Variants in SUGP1 observed in about 807,000 individuals in gnomAD.
The protein encoded by SUGP1 is SURP and G-patch domain-containing protein 1.
In SUGP1, 34 loss-of-function variants were observed where a neutral mutation model predicts 76.5. The ratio of observed to expected loss-of-function variants is 0.44; its 90% confidence interval spans 0.34 to 0.59. The LOEUF is 0.59. SUGP1 is among the 20% of genes least tolerant of loss of function. SUGP1 has a pLI of 0.01. For synonymous variants in SUGP1, 326 were observed against 326.2 expected (o/e 1.00, Z 0.01); for missense variants, 752 against 851.7 (o/e 0.88, Z 1.46).
At chr19:19,278,973 GT>G (rs1212727838) in intron 10 of SUGP1, among the ~76,000 whole-genome samples, 177 bp from the exon 11 acceptor site, 1 of 152,150 alleles carries the variant, frequency 6.6e-6, no homozygotes, top group Non-Finnish European at 1.5e-5. Context: ...CCAGCATTTA[GT>G]GAACCCTGTG....
chr19:19,316,668 G>A, intron 1 of SUGP1, 75 bp from the exon 2 acceptor site: 5 of 1,506,270 alleles, frequency 3.3e-6, no homozygotes, highest in Non-Finnish European at 4.6e-6. Context: ...ACAGGCCAGA[G>A]AGCAACTGAT....
At chr19:19,313,773 C>T (rs1451404589) in intron 2 of SUGP1, among the ~76,000 whole-genome samples, 1 of 151,912 alleles carries the variant, frequency 6.6e-6, no homozygotes, top group Non-Finnish European at 1.5e-5. Context: ...GAGGCAGAGG[C>T]GGGTAGGTCA....
At chr19:19,320,416 G>C (rs35574663) in intron 1 of SUGP1, 47 bp downstream of exon 1, 2 of 1,601,436 alleles carry the variant, frequency 1.2e-6, no homozygotes, top group Non-Finnish European at 1.7e-6. Flanking sequence ...GAGACACCTA[G>C]CCCCAGGGAC....
intron 8 of SUGP1, among the ~76,000 whole-genome samples, chr19:19,282,887 C>A (rs2061109918): frequency 2.0e-5 from 3 of 152,118 alleles, no homozygotes; most frequent in Admixed American, 6.6e-5. Context: ...ACCATCCTGG[C>A]TAACACGGTG....
intron 2 of SUGP1, among the ~76,000 whole-genome samples, 197 bp from the exon 3 acceptor site, chr19:19,310,397 A>C (rs1007357835): frequency 1.3e-5 from 2 of 152,240 alleles, no homozygotes; most frequent in Non-Finnish European, 2.9e-5. Flanking sequence ...AGCAGGCTTC[A>C]GTACGGTAAG....
rs1062885 is a variant in SUGP1 at position 19,276,986 on chromosome 19, C to T, written c.1872G>A (p.Lys624=). ...GGAAGCGGTAGGCCAGCATCATCCT[C>T]TTGCGGAACGCCTCATACTCGTCGT... The part of the protein sequence containing the change: ...KEDDEYEAFR[K]RMMLAYRFRP... Residue 624 remains lysine (K), a synonymous_variant, in exon 13 of 14, where the codon AAG becomes AAA. Transcript: ENST00000247001. 1.2e-6 allele frequency: 2 copies of T among 1,613,190 alleles called. No homozygotes were observed. The highest frequency in any genetic ancestry group is 2.2e-5 in the South Asian group (2 of 91,090).
intron 8 of SUGP1, among the ~76,000 whole-genome samples, chr19:19,285,885 G>A (rs1568620806): frequency 6.6e-6 from 1 of 152,162 alleles, no homozygotes; most frequent in Non-Finnish European, 1.5e-5. Flanking sequence ...ACTTAAGGCA[G>A]GATAACGCTA....
At chr19:19,294,668 A>C (rs2061211456) in intron 8 of SUGP1, among the ~76,000 whole-genome samples, 1 of 152,164 alleles carries the variant, frequency 6.6e-6, no homozygotes, top group Non-Finnish European at 1.5e-5. Flanking sequence ...AGAAGAAAAA[A>C]TAGATACATT....
chr19:19,279,716 C>T (rs770157325), intron 9 of SUGP1, among the ~76,000 whole-genome samples: 7 of 152,222 alleles, frequency 4.6e-5, no homozygotes, highest in Non-Finnish European at 8.8e-5. Flanking sequence ...GACAGGCAAG[C>T]GCCTGCAGCT....
At chr19:19,318,869 G>A (rs1021957735) in intron 1 of SUGP1, among the ~76,000 whole-genome samples, 1 of 152,222 alleles carries the variant, frequency 6.6e-6, no homozygotes, top group African/African-American at 2.4e-5. Context: ...GTGATAGTAT[G>A]GAGACAGGGA....
intron 2 of SUGP1, chr19:19,316,130 A>G (rs569169158): frequency 8.6e-5 from 28 of 324,586 alleles, no homozygotes; most frequent in African/African-American, 5.8e-4. Flanking sequence ...AGCACACCTG[A>G]ACTCAAGGCA....
At chr19:19,312,591 A>C (rs2061360178) in intron 2 of SUGP1, among the ~76,000 whole-genome samples, 1 of 152,172 alleles carries the variant, frequency 6.6e-6, no homozygotes. Flanking sequence ...ACCTAAATAC[A>C]TCAACAAGGG....
intron 3 of SUGP1, among the ~76,000 whole-genome samples, chr19:19,306,709 AC>A (rs1271624270): frequency 1.3e-5 from 2 of 152,210 alleles, no homozygotes; most frequent in African/African-American, 4.8e-5. Flanking sequence ...CACACTGCAC[AC>A]CTGTAGGCGA....
chr19:19,288,180 G>A (rs912306212), intron 8 of SUGP1, among the ~76,000 whole-genome samples: 17 of 151,860 alleles, frequency 1.1e-4, no homozygotes, highest in African/African-American at 4.1e-4. Flanking sequence ...GGGTCTGTCT[G>A]GTTGCTCTGT....
In SUGP1 at chr19:19,307,594, A is replaced by T. The variant is rs376235898; in HGVS notation, c.311-1518T>A. ...GGACAACAGGGGTTGTCAGACACAC[A>T]ATTTCTCGACAGTTACTTCCTGTAA... is the stretch of plus-strand genomic sequence containing the variant. On this transcript the variant is annotated intron_variant, in intron 3 of 13. Transcript: ENST00000247001. 2.7e-4 allele frequency among the ~76,000 whole-genome samples: 41 copies of T among 152,260 alleles called. 1 individual carries two copies. The South Asian group carries it at 6.0e-3, about 22-fold the overall frequency.
Position 19,303,328 on chromosome 19 carries a change from C to T in SUGP1, c.763+20G>A. 1 of 1,609,090 alleles carries T rather than the reference C, an allele frequency of 6.2e-7. No individual in the cohort carries two copies. Among genetic ancestry groups the T allele is most frequent in the Non-Finnish European group, 8.5e-7 (1 of 1,175,668 alleles). On this transcript the variant is annotated intron_variant, in intron 6 of 13. Coordinates refer to ENST00000247001, the MANE Select transcript of SUGP1 (RefSeq NM_172231.4). ...GTCCACAGGCCTCCCCAGAATCTCC[C>T]ACCCGCTCCGTCCACCTACCTTTCT...
chr19:19,290,739 G>C (rs2061175270), intron 8 of SUGP1, among the ~76,000 whole-genome samples: 1 of 152,156 alleles, frequency 6.6e-6, no homozygotes, highest in Non-Finnish European at 1.5e-5. Flanking sequence ...TGAAAGTAGG[G>C]TTTGAAGAGA....
chr19:19,281,767 T>C (rs945507930), intron 8 of SUGP1, among the ~76,000 whole-genome samples: 2 of 152,288 alleles, frequency 1.3e-5, no homozygotes, highest in South Asian at 2.1e-4. Flanking sequence ...TGGGGCACCA[T>C]ATGACATGAG....
chr19:19,312,838 A>C (rs1228236571), intron 2 of SUGP1, among the ~76,000 whole-genome samples: 2 of 151,784 alleles, frequency 1.3e-5, no homozygotes, highest in Non-Finnish European at 2.9e-5. Context: ...ATTAAAAAAA[A>C]AATTAGCCGG....
Sources: gnomAD v4.1 joint callset for allele counts (sites outside exome capture counted in the v4.1 genomes callset) on GRCh38, gnomAD v4.1.1 for gene constraint, MANE v1.5 for transcripts, NCBI Gene and HGNC (gene_info 2026-07-23, HGNC 2026-07-21) for gene names.